The following KHDRBS3 variants were observed in gnomAD, a reference collection of about 807,000 sequenced individuals.
KHDRBS3 encodes the protein KH RNA binding domain containing, signal transduction associated 3.
A neutral mutation model predicts 45.6 loss-of-function variants in KHDRBS3; 23 were observed. The observed-to-expected ratio is 0.50, with a 90% CI of 0.36 to 0.72. The LOEUF (loss-of-function observed/expected upper bound fraction) is 0.72, where lower values mean the gene tolerates loss of function less well. Ranked by LOEUF, KHDRBS3 falls within the 30% of genes least tolerant of loss-of-function variation. The pLI, the probability that KHDRBS3 is intolerant of heterozygous loss-of-function variation, is 0.00. For missense variants in KHDRBS3, 352 were observed against 424.8 expected, an observed-to-expected ratio of 0.83 and a Z score of 1.51; for synonymous variants, 162 against 156.5, an observed-to-expected ratio of 1.04 and a Z score of -0.26.
chr8:135,615,532 A>C (rs1006389011), intron 7 of KHDRBS3, among the ~76,000 whole-genome samples: 3 of 152,144 alleles, frequency 2.0e-5, no homozygotes, highest in Admixed American at 1.3e-4. Flanking sequence ...CCATTATACT[A>C]GTGTTTTTCA....
chr8:135,553,799 CAA>C (rs756917584), intron 4 of KHDRBS3, among the ~76,000 whole-genome samples: 1 of 152,112 alleles, frequency 6.6e-6, no homozygotes, highest in Non-Finnish European at 1.5e-5. Flanking sequence ...CATATTTACT[CAA>C]AATTTTAATG....
intron 1 of KHDRBS3, among the ~76,000 whole-genome samples, chr8:135,497,482 T>C (rs1021672739): frequency 1.3e-5 from 2 of 152,150 alleles, no homozygotes; most frequent in African/African-American, 2.4e-5. Context: ...TTCAGCCTTA[T>C]TACCTTTTAT....
chr8:135,543,641 A>G (rs1826150004), intron 3 of KHDRBS3, among the ~76,000 whole-genome samples: 1 of 152,246 alleles, frequency 6.6e-6, no homozygotes. Context: ...GAAACATGTT[A>G]CATGCATTCC....
chr8:135,507,947 G>A (rs1461732480), intron 1 of KHDRBS3, among the ~76,000 whole-genome samples: 1 of 152,076 alleles, frequency 6.6e-6, no homozygotes, highest in Admixed American at 6.6e-5. Flanking sequence ...AGTGTTTTAT[G>A]CCTGTTTGGC....
At chr8:135,580,878 G>A (rs1343140458) in intron 5 of KHDRBS3, among the ~76,000 whole-genome samples, 1 of 152,144 alleles carries the variant, frequency 6.6e-6, no homozygotes, top group Non-Finnish European at 1.5e-5. Flanking sequence ...CTCCCAAAGT[G>A]CTGGGATTAC....
intron 2 of KHDRBS3, among the ~76,000 whole-genome samples, chr8:135,526,669 G>T (rs1430898141): frequency 6.6e-6 from 1 of 152,034 alleles, no homozygotes; most frequent in Admixed American, 6.6e-5. Flanking sequence ...CAGCTTCTGG[G>T]GCAAGAGAGA....
intron 7 of KHDRBS3, among the ~76,000 whole-genome samples, chr8:135,640,994 C>G (rs1029730087): frequency 1.3e-5 from 2 of 152,148 alleles, no homozygotes; most frequent in Non-Finnish European, 2.9e-5. Flanking sequence ...CCAGCTGCTC[C>G]CAGCTCCTCG....
chr8:135,464,134 T>C (rs968031286), intron 1 of KHDRBS3, among the ~76,000 whole-genome samples: 1 of 126,186 alleles, frequency 7.9e-6, no homozygotes, highest in African/African-American at 3.4e-5. Context: ...TAAGATACTT[T>C]AAGAAAAGAG....
At chr8:135,485,842 T>TTATGTATATATATATATATATATATA (rs1554615384) in intron 1 of KHDRBS3, among the ~76,000 whole-genome samples, 2 of 120,346 alleles carry the variant, frequency 1.7e-5, no homozygotes, top group Admixed American at 1.6e-4. Flanking sequence ...CATTTCAAGT[T>TTATGTATATATATATATATATATATA]TATATATATA....
chr8:135,609,689 A>T (rs1296347248), intron 7 of KHDRBS3, among the ~76,000 whole-genome samples: 1 of 151,800 alleles, frequency 6.6e-6, no homozygotes, highest in African/African-American at 2.4e-5. Flanking sequence ...GGTGACAGGA[A>T]TTTCTCAGCA....
At chr8:135,629,939 G>C (rs544633920) in intron 7 of KHDRBS3, among the ~76,000 whole-genome samples, 1 of 152,218 alleles carries the variant, frequency 6.6e-6, no homozygotes, top group Non-Finnish European at 1.5e-5. Context: ...GGAAAAAGCC[G>C]AGACAATGGG....
intron 5 of KHDRBS3, among the ~76,000 whole-genome samples, chr8:135,567,046 C>T (rs895848806): frequency 1.3e-5 from 2 of 152,154 alleles, no homozygotes; most frequent in Non-Finnish European, 2.9e-5. Context: ...TACTCCTGAA[C>T]GCCTCTGAAT....
rs549682688 is a variant in KHDRBS3 at position 135,527,231 on chromosome 8, G to C, written c.207+5876G>C. Among the ~76,000 whole-genome samples, 3 of 152,070 alleles carry C rather than the reference G, an allele frequency of 2.0e-5. No individual in the cohort carries two copies. In the South Asian group the frequency reaches 6.2e-4, roughly 32 times the overall value. Reference sequence around the variant, plus strand: ...GGCTAAAAAACTGCCAGTTTTTTTTGGTGAATGCAGATGAATAAGTTAATA... The same window carrying C: ...GGCTAAAAAACTGCCAGTTTTTTTTCGTGAATGCAGATGAATAAGTTAATA... On this transcript the variant is annotated intron_variant, in intron 2 of 8. Transcript: ENST00000355849.
Position 135,488,788 on chromosome 8 carries a change from G to A in KHDRBS3, c.88+30834G>A, listed in dbSNP as rs576080272. ...CATGATTTGAATACAATATGGCATTGTAACTTAAGGAAAAGGGGCTTGATA... is the reference window on the plus strand; with the variant it reads ...CATGATTTGAATACAATATGGCATTATAACTTAAGGAAAAGGGGCTTGATA... On this transcript the variant is annotated intron_variant, in intron 1 of 8. Coordinates refer to ENST00000355849, the MANE Select transcript of KHDRBS3 (RefSeq NM_006558.3). Among the ~76,000 whole-genome samples the A allele has an allele frequency of 1.3e-3, 191 of 152,264 alleles. 1 individual carries two copies. Among genetic ancestry groups the A allele is most frequent in the Non-Finnish European group, 2.2e-3 (150 of 68,030 alleles).
chr8:135,458,251 G>C, intron 1 of KHDRBS3: 1 of 1,108,172 alleles, frequency 9.0e-7, no homozygotes, highest in Non-Finnish European at 1.1e-6. Context: ...GGGGGACAGC[G>C]ACCATCTGGG....
chr8:135,457,888 G>C lies in KHDRBS3; in HGVS notation c.22G>C (p.Glu8Gln). 1 of 1,598,652 alleles carries C rather than the reference G, an allele frequency of 6.3e-7. No individual in the cohort carries two copies. The highest frequency in any genetic ancestry group is 8.5e-7 in the Non-Finnish European group (1 of 1,173,570). ...GAGCATGGAGGAGAAGTACCTGCCCGAGCTGATGGCGGAGAAGGACTCCCT... is the reference window on the plus strand; with the variant it reads ...GAGCATGGAGGAGAAGTACCTGCCCCAGCTGATGGCGGAGAAGGACTCCCT... Reference protein sequence around the residue: MEEKYLPELMAEKDSLDP... With the variant: MEEKYLPQLMAEKDSLDP... Residue 8 changes from glutamate to glutamine, a missense_variant, in exon 1 of 9, where the codon GAG becomes CAG. This residue lies in a region of KHDRBS3 where 58 missense variants were observed against 64.5 expected (regional missense o/e 0.90). Transcript: ENST00000355849. This position sits in a 1 kb window ranked among gnomAD's most constrained non-coding sequence, Gnocchi z 4.4.
intron 3 of KHDRBS3, among the ~76,000 whole-genome samples, chr8:135,545,935 C>T (rs1162713248): frequency 2.6e-5 from 4 of 152,020 alleles, no homozygotes; most frequent in Non-Finnish European, 5.9e-5. Context: ...GTCAGGAGTT[C>T]GAGACCAGCC....
At chr8:135,488,441 CAA>C (rs1404713138) in intron 1 of KHDRBS3, among the ~76,000 whole-genome samples, 2 of 151,980 alleles carry the variant, frequency 1.3e-5, no homozygotes, top group Non-Finnish European at 2.9e-5. Context: ...CCTGGAGAGA[CAA>C]AAAGTTTGCA....
chr8:135,527,808 G>A (rs1453512208), intron 2 of KHDRBS3, among the ~76,000 whole-genome samples: 4 of 152,196 alleles, frequency 2.6e-5, no homozygotes, highest in African/African-American at 7.2e-5. Flanking sequence ...CCAAGTTGGG[G>A]AATTATTTGA....
Sources: allele counts gnomAD v4.1 joint callset (sites outside exome capture counted in the v4.1 genomes callset), GRCh38; gene constraint gnomAD v4.1.1; regional missense constraint gnomAD v4.1.1; non-coding constraint Gnocchi (gnomAD v3.1); transcripts MANE v1.5; gene names NCBI Gene and HGNC (gene_info 2026-07-23, HGNC 2026-07-21).